The following PLAT variants were observed in gnomAD, a reference collection of about 807,000 sequenced individuals.
PLAT encodes the protein plasminogen activator, tissue type, also known as tissue-type plasminogen activator.
In PLAT, 48 loss-of-function variants were observed where a neutral mutation model predicts 74.9. That is an observed-to-expected ratio of 0.64 (90% CI 0.51 to 0.82). The LOEUF (loss-of-function observed/expected upper bound fraction) is 0.82, where lower values mean the gene tolerates loss of function less well. Ranked by LOEUF, PLAT falls within the 40% of genes least tolerant of loss-of-function variation. The pLI, the probability that PLAT is intolerant of heterozygous loss-of-function variation, is 0.00. For missense variants in PLAT, 673 were observed against 736.2 expected (o/e 0.91, Z 0.99); for synonymous variants, 307 against 294.4 (o/e 1.04, Z -0.44).
intron 2 of PLAT, among the ~76,000 whole-genome samples, chr8:42,192,239 A>G (rs1320246353): frequency 6.6e-6 from 1 of 152,028 alleles, no homozygotes; most frequent in Admixed American, 6.6e-5. Context: ...CCTGGGCTCA[A>G]GCGATCCTCC....
chr8:42,177,399 AG>A (rs1805015680), intron 13 of PLAT, among the ~76,000 whole-genome samples: 1 of 152,204 alleles, frequency 6.6e-6, no homozygotes, highest in African/African-American at 2.4e-5. Context: ...ATTGTATCTC[AG>A]TTATCTTGGT....
At chr8:42,200,713 C>T (rs984718421) in intron 1 of PLAT, among the ~76,000 whole-genome samples, 11 of 148,926 alleles carry the variant, frequency 7.4e-5, no homozygotes, top group Non-Finnish European at 1.2e-4. Flanking sequence ...TCGTGCTGTA[C>T]GGTGACACAT....
chr8:42,180,106 G>A, intron 11 of PLAT, 40 bp from the exon 12 acceptor site: 4 of 1,591,336 alleles, frequency 2.5e-6, no homozygotes, highest in South Asian at 2.3e-5. Flanking sequence ...CGTGAGGGCC[G>A]CGTCCCCGGG....
intron 6 of PLAT, chr8:42,186,872 TATC>T (rs1805488925): frequency 1.6e-5 from 2 of 125,472 alleles, no homozygotes; most frequent in Middle Eastern, 4.1e-3. Flanking sequence ...ATCTATCATC[TATC>T]ATCTATTTAT....
At chr8:42,190,584 G>A (rs1005721463) in intron 3 of PLAT, among the ~76,000 whole-genome samples, 2 of 152,206 alleles carry the variant, frequency 1.3e-5, no homozygotes, top group Non-Finnish European at 2.9e-5. Context: ...CTGGTAGGAA[G>A]CAGGATGCCA....
chr8:42,183,677 C>T (rs531359068), intron 7 of PLAT, among the ~76,000 whole-genome samples: 6 of 151,942 alleles, frequency 3.9e-5, no homozygotes, highest in South Asian at 4.2e-4. Context: ...TTTTTTCTCC[C>T]GACCTGAAAC....
intron 3 of PLAT, among the ~76,000 whole-genome samples, chr8:42,190,068 A>C (rs1337473164): frequency 6.6e-6 from 1 of 151,814 alleles, no homozygotes; most frequent in Non-Finnish European, 1.5e-5. Context: ...ACACCACCAC[A>C]CCCAGCTAAT....
At chr8:42,203,317 A>G (rs1375225084) in intron 1 of PLAT, among the ~76,000 whole-genome samples, 1 of 152,198 alleles carries the variant, frequency 6.6e-6, no homozygotes, top group Non-Finnish European at 1.5e-5. Flanking sequence ...GTGGTCACCC[A>G]TGCACATCGG....
rs908422534 is a variant in PLAT, at chr8:42,191,303, G to A, written c.115+69C>T. ...GTGGAAGAAGGCAGGTGGTGGGTGG[G>A]TGATGCACCCTGCACCCCGCCCTGC... On this transcript the variant is annotated intron_variant, in intron 3 of 13. Coordinates refer to ENST00000220809, the MANE Select transcript of PLAT (RefSeq NM_000930.5). 6 of 1,285,168 alleles carry A rather than the reference G, an allele frequency of 4.7e-6. No homozygotes were observed. The East Asian group carries it at 9.2e-5, about 20-fold the overall frequency. 79.6% of individuals were successfully genotyped at this position (1,285,168 alleles called of 1,614,324 possible). A position where few individuals can be genotyped will look rare whatever the true frequency, so the allele number is the denominator to read the frequency against.
intron 2 of PLAT, among the ~76,000 whole-genome samples, chr8:42,192,875 TACTC>T (rs1372813427): frequency 9.2e-5 from 14 of 152,210 alleles, no homozygotes; most frequent in Non-Finnish European, 1.9e-4. Context: ...TAATTCCGCT[TACTC>T]AGGTCAAAAT....
At chr8:42,201,611 T>A (rs1180385489) in intron 1 of PLAT, among the ~76,000 whole-genome samples, 1 of 152,230 alleles carries the variant, frequency 6.6e-6, no homozygotes, top group African/African-American at 2.4e-5. Context: ...TCTGTGTTCG[T>A]AGAACAGTAT....
chr8:42,192,410 G>C (rs1805723222), intron 2 of PLAT, among the ~76,000 whole-genome samples: 2 of 152,150 alleles, frequency 1.3e-5, no homozygotes, highest in African/African-American at 4.8e-5. Flanking sequence ...AGCTGGGCTT[G>C]TGGCTCACAC....
intron 6 of PLAT, chr8:42,186,714 TCTC>T (rs771276619): frequency 6.6e-6 from 1 of 152,146 alleles, no homozygotes; most frequent in Non-Finnish European, 1.5e-5. Flanking sequence ...TCTATTTCTC[TCTC>T]CTCTTTCTCT....
chr8:42,204,850 T>C (rs1806274199), intron 1 of PLAT, among the ~76,000 whole-genome samples: 1 of 151,872 alleles, frequency 6.6e-6, no homozygotes, highest in Non-Finnish European at 1.5e-5. Context: ...AAACCCTGTC[T>C]CTACTAAAAA....
chr8:42,190,636 T>G (rs1371566350), intron 3 of PLAT, among the ~76,000 whole-genome samples: 3 of 152,200 alleles, frequency 2.0e-5, no homozygotes, highest in Non-Finnish European at 4.4e-5. Flanking sequence ...TGACTCGCTC[T>G]GGGGAGTGAG....
At position 42,189,071 on chromosome 8, in the gene PLAT, A is replaced by G. The variant is rs780104546; in HGVS notation, c.116T>C (p.Val39Ala). The change falls in exon 4 of 14, where the codon GTG becomes GCG. Residue 39 changes from valine to alanine, a missense_variant and splice_region_variant. By Grantham distance (64) the Val-to-Ala change is moderately conservative (BLOSUM62 0). Coordinates refer to ENST00000220809, the MANE Select transcript of PLAT (RefSeq NM_000930.5). Reference sequence around the variant, plus strand: ...CTGCGTTTTTTCATCTCTGCAGATCACTATGAGAAAAGACAGGCCAGCCTC... The same window carrying G: ...CTGCGTTTTTTCATCTCTGCAGATCGCTATGAGAAAAGACAGGCCAGCCTC... ...RFRRGARSYQ[V>A]ICRDEKTQMI... 5 of 1,612,016 alleles carry G rather than the reference A, an allele frequency of 3.1e-6. No individual in the cohort carries two copies. Among genetic ancestry groups the G allele is most frequent in the East Asian group, 2.2e-5 (1 of 44,832 alleles).
At position 42,182,863 on chromosome 8, in the gene PLAT, C is replaced by G; in HGVS notation, c.659G>C (p.Gly220Ala). 2 of 1,609,982 alleles carry G rather than the reference C, an allele frequency of 1.2e-6. No homozygotes were observed. Among genetic ancestry groups the G allele is most frequent in the East Asian group, 2.2e-5 (1 of 44,846 alleles). The change falls in exon 8 of 14, where the codon GGG becomes GCG. Residue 220 changes from glycine (G) to alanine (A), a missense_variant. Physicochemically the swap from Gly to Ala is moderately conservative, Grantham distance 60. Transcript: ENST00000220809. ...EGNSDCYFGN[G>A]SAYRGTHSLT... is the part of the protein sequence containing the mutation. ...GCTGTGCGTGCCACGGTAGGCTGAC[C>G]CATTCCCAAAGTAGCAGTCACTGTT...
intron 1 of PLAT, among the ~76,000 whole-genome samples, chr8:42,194,215 TGAGAGAGAGA>T (rs140537859): frequency 8.3e-5 from 10 of 119,912 alleles, no homozygotes; most frequent in Admixed American, 5.5e-4. Context: ...TGTGCCTGGC[TGAGAGAGAGA>T]GAGAGAGAGA....
Position 42,179,123 on chromosome 8 carries a change from GAGAA to G in PLAT, c.1364-64_1364-61del, listed in dbSNP as rs765255848. 932 of 1,327,100 alleles carry G rather than the reference GAGAA, an allele frequency of 7.0e-4. 1 individual carries two copies. The highest frequency in any genetic ancestry group is 9.3e-4 in the Non-Finnish European group (873 of 941,822). 82.2% of individuals were successfully genotyped at this position (1,327,100 alleles called of 1,614,324 possible). A position where few individuals can be genotyped will look rare whatever the true frequency, so the allele number is the denominator to read the frequency against. ...AAGTTATTTATAAACGTTTTTGAAA[GAGAA>G]AGCCAAATTTTCCAATAATAGCTAA... is the stretch of plus-strand genomic sequence containing the variant. On this transcript the variant is annotated intron_variant, in intron 12 of 13. Transcript: ENST00000220809.
Sources: gnomAD v4.1 joint callset for allele counts (sites outside exome capture counted in the v4.1 genomes callset) on GRCh38, gnomAD v4.1.1 for gene constraint, MANE v1.5 for transcripts, NCBI Gene and HGNC (gene_info 2026-07-23, HGNC 2026-07-21) for gene names.